PTPRQ: variants seen among roughly 807,000 people sequenced by gnomAD.
The protein encoded by PTPRQ is protein tyrosine phosphatase receptor type Q.
In PTPRQ, 199 loss-of-function variants were observed where a neutral mutation model predicts 246.0. The ratio of observed to expected loss-of-function variants is 0.81; its 90% CI spans 0.72 to 0.91. The LOEUF (loss-of-function observed/expected upper bound fraction) is 0.91. Ranked by LOEUF, PTPRQ falls within the 40% of genes least tolerant of loss-of-function variation. PTPRQ has a pLI of 0.00. For missense variants in PTPRQ, 2,624 were observed against 2,528.4 expected (o/e 1.04, Z -0.81); for synonymous variants, 869 against 853.2 (o/e 1.02, Z -0.32).
chr12:80,482,603 A>G (rs1369988317), intron 8 of PTPRQ, among the ~76,000 whole-genome samples: 3 of 150,522 alleles, frequency 2.0e-5, no homozygotes, highest in Non-Finnish European at 4.4e-5. Context: ...ACAAAATGGG[A>G]GAAAATTGTC....
intron 17 of PTPRQ, among the ~76,000 whole-genome samples, chr12:80,527,531 C>A (rs1895723077): frequency 6.6e-6 from 1 of 151,680 alleles, no homozygotes; most frequent in East Asian, 1.9e-4. Flanking sequence ...CATATATAAT[C>A]CATAAATTCC....
chr12:80,477,906 G>A (rs942492307), intron 8 of PTPRQ, among the ~76,000 whole-genome samples: 1 of 152,216 alleles, frequency 6.6e-6, no homozygotes, highest in African/African-American at 2.4e-5. Context: ...CTGATTGCTA[G>A]TACAGCAGTC....
intron 33 of PTPRQ, among the ~76,000 whole-genome samples, chr12:80,626,663 C>T (rs967702608): frequency 5.3e-5 from 8 of 152,154 alleles, no homozygotes; most frequent in Non-Finnish European, 1.0e-4. Flanking sequence ...ACCCAGGCAG[C>T]GTGACCTCAG....
At chr12:80,447,161 G>A (rs1007245417) in intron 3 of PTPRQ, among the ~76,000 whole-genome samples, 3 of 151,976 alleles carry the variant, frequency 2.0e-5, no homozygotes, top group Non-Finnish European at 4.4e-5. Context: ...AATTCCTAAT[G>A]TTGAGCATTT....
chr12:80,480,347 C>T (rs1893993635), intron 8 of PTPRQ, among the ~76,000 whole-genome samples: 1 of 151,986 alleles, frequency 6.6e-6, no homozygotes, highest in Non-Finnish European at 1.5e-5. Context: ...CACAACATAC[C>T]AGAATATCTG....
chr12:80,631,426 T>C (rs2121166874), intron 33 of PTPRQ, among the ~76,000 whole-genome samples: 1 of 152,332 alleles, frequency 6.6e-6, no homozygotes, highest in South Asian at 2.1e-4. Context: ...TTATTTTTTA[T>C]TTCTGATCAA....
Position 80,534,990 on chromosome 12 carries a change from C to A in PTPRQ, c.2938C>A (p.Gln980Lys). 3 of 1,545,736 alleles carry A rather than the reference C, an allele frequency of 1.9e-6. No homozygotes were observed. The highest frequency in any genetic ancestry group is 1.2e-5 in the South Asian group (1 of 82,102). The change falls in exon 19 of 45, where the codon CAA becomes AAA. Residue 980 changes from glutamine to lysine, a missense_variant. Gln to Lys is a moderately conservative substitution (Grantham distance 53, BLOSUM62 1). Coordinates refer to ENST00000644991, the MANE Select transcript of PTPRQ (RefSeq NM_001145026.2). ...TPPSKPNGII[Q>K]YYSVYYRNTS... ...TCCTTCAAAACCTAATGGGATTATA[C>A]AATATTACTCTGTTTATTACAGAAA...
chr12:80,643,664 T>G (rs1899971870), intron 35 of PTPRQ, among the ~76,000 whole-genome samples: 1 of 151,882 alleles, frequency 6.6e-6, no homozygotes, highest in African/African-American at 2.4e-5. Context: ...TAAAGAAAAC[T>G]AATAGGAAAT....
intron 41 of PTPRQ, 97 bp downstream of exon 41, chr12:80,669,561 G>C: frequency 1.4e-6 from 2 of 1,427,626 alleles, no homozygotes; most frequent in Non-Finnish European, 1.8e-6. Context: ...CCCTTTCAAG[G>C]ATACCTGTAT....
intron 25 of PTPRQ, among the ~76,000 whole-genome samples, chr12:80,552,366 G>C (rs530348518): frequency 2.6e-5 from 4 of 151,922 alleles, no homozygotes; most frequent in Admixed American, 2.0e-4. Flanking sequence ...GGCAGGAGCT[G>C]AGTCTTTGAG....
At chr12:80,646,771 G>A (rs1295116881) in intron 35 of PTPRQ, among the ~76,000 whole-genome samples, 1 of 151,848 alleles carries the variant, frequency 6.6e-6, no homozygotes, top group Non-Finnish European at 1.5e-5. Flanking sequence ...AAATCTTTAG[G>A]GAGAGATTTT....
chr12:80,502,852 T>G (rs1440507320), intron 14 of PTPRQ, among the ~76,000 whole-genome samples: 1 of 151,802 alleles, frequency 6.6e-6, no homozygotes, highest in African/African-American at 2.4e-5. Flanking sequence ...GGGGAAAAGA[T>G]TATTGGAATT....
At chr12:80,636,560 C>T (rs1332703518) in intron 35 of PTPRQ, among the ~76,000 whole-genome samples, 3 of 152,034 alleles carry the variant, frequency 2.0e-5, no homozygotes, top group Non-Finnish European at 4.4e-5. Flanking sequence ...GTGGCCCATC[C>T]CTTTATTCTA....
At chr12:80,564,221 T>C (rs573912090) in intron 25 of PTPRQ, among the ~76,000 whole-genome samples, 9 of 152,124 alleles carry the variant, frequency 5.9e-5, no homozygotes, top group Non-Finnish European at 1.3e-4. Flanking sequence ...TAAGAGCAGA[T>C]TTTTATGGGG....
intron 41 of PTPRQ, among the ~76,000 whole-genome samples, chr12:80,669,946 C>T (rs1035619873): frequency 9.9e-5 from 15 of 151,954 alleles, no homozygotes; most frequent in Non-Finnish European, 5.9e-5. Context: ...TGCCTATACA[C>T]ACAGAAGATG....
At chr12:80,467,908 A>G (rs1250033972) in intron 6 of PTPRQ, among the ~76,000 whole-genome samples, 2 of 152,180 alleles carry the variant, frequency 1.3e-5, no homozygotes, top group Non-Finnish European at 2.9e-5. Context: ...CCTAATGCTA[A>G]ATGACGAGTT....
intron 35 of PTPRQ, among the ~76,000 whole-genome samples, chr12:80,637,373 T>C (rs1005302052): frequency 1.3e-5 from 2 of 152,242 alleles, no homozygotes; most frequent in Non-Finnish European, 2.9e-5. Flanking sequence ...TATTTACATA[T>C]TGCATTATTT....
At chr12:80,515,643 A>G (rs1019791264) in intron 17 of PTPRQ, among the ~76,000 whole-genome samples, 2 of 151,898 alleles carry the variant, frequency 1.3e-5, no homozygotes, top group Admixed American at 1.3e-4. Flanking sequence ...CATGTTGGCC[A>G]GGCTGGTCTT....
intron 25 of PTPRQ, among the ~76,000 whole-genome samples, chr12:80,571,185 C>A (rs988079409): frequency 1.3e-5 from 2 of 152,140 alleles, no homozygotes; most frequent in African/African-American, 2.4e-5. Context: ...CACTCTGTCA[C>A]CCAGGCTGGG....
Sources: gnomAD v4.1 joint callset for allele counts (sites outside exome capture counted in the v4.1 genomes callset) on GRCh38, gnomAD v4.1.1 for gene constraint, MANE v1.5 for transcripts, NCBI Gene and HGNC (gene_info 2026-07-23, HGNC 2026-07-21) for gene names.